Variants in PALLD observed in about 807,000 individuals in gnomAD.
PALLD encodes the protein palladin.
In PALLD, 61 loss-of-function variants were observed where a neutral mutation model predicts 123.5. The ratio of observed to expected loss-of-function variants is 0.49; its 90% confidence interval spans 0.40 to 0.61. The LOEUF (loss-of-function observed/expected upper bound fraction) is 0.61, where lower values mean the gene tolerates loss of function less well. PALLD is among the 20% of genes least tolerant of loss of function. PALLD has a pLI of 0.00. For missense variants in PALLD, 1,273 were observed against 1,377.0 expected (o/e 0.92, Z 1.20); for synonymous variants, 465 against 496.4 (o/e 0.94, Z 0.84).
intron 10 of PALLD, among the ~76,000 whole-genome samples, chr4:168,810,334 A>G (rs1031542432): frequency 3.9e-5 from 6 of 152,212 alleles, no homozygotes; most frequent in African/African-American, 1.4e-4. Context: ...TAAGGAGCCC[A>G]TTGACAAGAG....
chr4:168,511,571 A>G lies in PALLD; in HGVS notation c.67A>G (p.Asn23Asp), dbSNP rs1441118500. ...SLSDMQEESK[N>D]TDFFPGLSAF... Reference sequence around the variant, plus strand: ...CTCAGACATGCAGGAAGAAAGCAAGAATACTGACTTCTTCCCGGGCCTTTC... The same window carrying G: ...CTCAGACATGCAGGAAGAAAGCAAGGATACTGACTTCTTCCCGGGCCTTTC... Residue 23 changes from asparagine (N) to aspartate (D), a missense_variant, in exon 2 of 22, where the codon AAT becomes GAT. Physicochemically the swap from Asn to Asp is conservative, Grantham distance 23. Transcript: ENST00000505667. The G allele has an allele frequency of 9.3e-6, 15 of 1,613,970 alleles. No individual in the cohort carries two copies. Among genetic ancestry groups the G allele is most frequent in the Non-Finnish European group, 1.2e-5 (14 of 1,179,976 alleles).
At position 168,565,943 on chromosome 4, in the gene PALLD, T is replaced by A. The variant is rs923443895; in HGVS notation, c.908+53531T>A. Among the ~76,000 whole-genome samples, 27 of 152,166 alleles carry A rather than the reference T, an allele frequency of 1.8e-4. 1 individual carries two copies. Among genetic ancestry groups the A allele is most frequent in the Admixed American group, 1.5e-3 (23 of 15,264 alleles). ...TGGCTGTTGCAGAATTAGTGTGTTTTGTGTTATATAATGGTGTGGATTTTT... is the reference window on the plus strand; with the variant it reads ...TGGCTGTTGCAGAATTAGTGTGTTTAGTGTTATATAATGGTGTGGATTTTT... On this transcript the variant is annotated intron_variant, in intron 2 of 21. Coordinates refer to ENST00000505667, the MANE Select transcript of PALLD (RefSeq NM_001166108.2).
intron 10 of PALLD, among the ~76,000 whole-genome samples, chr4:168,858,513 G>A (rs545671615): frequency 6.6e-6 from 1 of 152,114 alleles, no homozygotes; most frequent in East Asian, 1.9e-4. Flanking sequence ...ACTTTCCAGA[G>A]TGCTCACGCC....
chr4:168,749,343 C>T (rs1483605646), intron 10 of PALLD, among the ~76,000 whole-genome samples: 3 of 151,518 alleles, frequency 2.0e-5, no homozygotes, highest in South Asian at 4.2e-4. Context: ...TTTATAGAAA[C>T]ACAAGAACGG....
At chr4:168,860,695 G>A (rs537820586) in intron 10 of PALLD, among the ~76,000 whole-genome samples, 7 of 152,160 alleles carry the variant, frequency 4.6e-5, no homozygotes, top group Non-Finnish European at 8.8e-5. Flanking sequence ...GGTGGTGCAC[G>A]TCTGTAATCC....
chr4:168,847,126 C>G (rs1746977095), intron 10 of PALLD, among the ~76,000 whole-genome samples: 1 of 152,074 alleles, frequency 6.6e-6, no homozygotes, highest in South Asian at 2.1e-4. Flanking sequence ...CAGATAAAGT[C>G]CTAAGAACTT....
intron 10 of PALLD, among the ~76,000 whole-genome samples, chr4:168,888,068 A>G (rs72975233): frequency 0.056 from 8,512 of 152,190 alleles, 771 homozygotes; most frequent in African/African-American, 0.19. Flanking sequence ...ACAACCCCAG[A>G]TAAAGGAGTA....
intron 2 of PALLD, among the ~76,000 whole-genome samples, chr4:168,580,762 G>A (rs577585540): frequency 4.1e-4 from 63 of 152,104 alleles, no homozygotes; most frequent in African/African-American, 1.5e-3. Flanking sequence ...AGAAAATGTG[G>A]CACATATACA....
At chr4:168,724,689 C>A (rs1298370779) in intron 10 of PALLD, among the ~76,000 whole-genome samples, 1 of 140,994 alleles carries the variant, frequency 7.1e-6, no homozygotes, top group Non-Finnish European at 1.6e-5. Flanking sequence ...ACACACACAT[C>A]TTTGCTTCAT....
intron 10 of PALLD, among the ~76,000 whole-genome samples, chr4:168,753,155 G>A (rs911777242): frequency 3.3e-5 from 5 of 152,116 alleles, no homozygotes; most frequent in African/African-American, 9.7e-5. Context: ...CTCACAAGCA[G>A]CAAATGCTAG....
intron 10 of PALLD, among the ~76,000 whole-genome samples, chr4:168,760,303 T>C (rs1270413365): frequency 2.1e-5 from 3 of 145,664 alleles, no homozygotes; most frequent in African/African-American, 2.5e-5. Context: ...TCCTCCCTAG[T>C]TCCCGGCTCT....
chr4:168,794,538 A>ACACACACC (rs765026221), intron 10 of PALLD, among the ~76,000 whole-genome samples: 1 of 146,292 alleles, frequency 6.8e-6, no homozygotes, highest in African/African-American at 2.6e-5. Flanking sequence ...ACACACACAC[A>ACACACACC]CCCCTCTGGC....
chr4:168,789,606 G>T (rs1737213856), intron 10 of PALLD, among the ~76,000 whole-genome samples: 1 of 151,734 alleles, frequency 6.6e-6, no homozygotes, highest in Non-Finnish European at 1.5e-5. Flanking sequence ...TTGGGAGGCT[G>T]AGGCAGGAGA....
chr4:168,719,252 CT>C (rs869040811), intron 10 of PALLD, among the ~76,000 whole-genome samples: 171 of 85,714 alleles, frequency 2.0e-3, no homozygotes, highest in East Asian at 4.8e-3. Context: ...AAGTAATCTT[CT>C]TTTTTTTTTT....
At position 168,872,724 on chromosome 4, in the gene PALLD, C is replaced by A. The variant is rs180811220; in HGVS notation, c.1965-18198C>A. Reference sequence around the variant, plus strand: ...ATTCTTAAGATTGGGATTTATATACCTTTTCCTAAGGGGCAATCATAAGTT... The same window carrying A: ...ATTCTTAAGATTGGGATTTATATACATTTTCCTAAGGGGCAATCATAAGTT... On this transcript the variant is annotated intron_variant, in intron 10 of 21. Coordinates refer to ENST00000505667, the MANE Select transcript of PALLD (RefSeq NM_001166108.2). Among the ~76,000 whole-genome samples, 3 of 150,618 alleles carry A rather than the reference C, an allele frequency of 2.0e-5. No homozygotes were observed. In the Admixed American group the frequency reaches 2.0e-4, roughly 10 times the overall value.
chr4:168,658,478 G>T (rs550142067), intron 2 of PALLD, among the ~76,000 whole-genome samples: 3 of 151,734 alleles, frequency 2.0e-5, no homozygotes, highest in African/African-American at 7.2e-5. Context: ...GTAGAGACAG[G>T]GTCTTGTCAT....
chr4:168,668,353 G>C lies in PALLD; in HGVS notation c.1072G>C (p.Glu358Gln). The C allele has an allele frequency of 6.2e-7, 1 of 1,607,334 alleles. No homozygotes were observed. ...NPSGSDTTSA[E>Q]VFIEGASSTD... is the part of the protein sequence containing the mutation. Reference sequence around the variant, plus strand: ...CAGCGGCTCAGACACAACATCTGCTGAGGTGTTCATTGAAGGTAAGGAGGG... The same window carrying C: ...CAGCGGCTCAGACACAACATCTGCTCAGGTGTTCATTGAAGGTAAGGAGGG... Residue 358 changes from glutamate (E) to glutamine (Q), a missense_variant, in exon 3 of 22, where the codon GAG becomes CAG. By Grantham distance (29) the Glu-to-Gln change is conservative. Coordinates refer to ENST00000505667, the MANE Select transcript of PALLD (RefSeq NM_001166108.2).
chr4:168,625,502 G>GATAGATATATATAT lies in PALLD; in HGVS notation c.909-42685_909-42684insGATATATATATATA. On this transcript the variant is annotated intron_variant, in intron 2 of 21. Transcript: ENST00000505667. ...TCCAATAAGGGATTAATATCCAGGA[G>GATAGATATATATAT]ATATATATATATATATCCTATAAGG... Among the ~76,000 whole-genome samples, 8 of 114,426 alleles carry GATAGATATATATAT rather than the reference G, an allele frequency of 7.0e-5. 1 individual carries two copies. The South Asian group carries it at 8.0e-4, about 11-fold the overall frequency. 75.1% of individuals were successfully genotyped at this position (114,426 alleles called of 152,430 possible). A position where few individuals can be genotyped will look rare whatever the true frequency, so the allele number is the denominator to read the frequency against.
chr4:168,699,260 G>T (rs1783448462), intron 8 of PALLD, among the ~76,000 whole-genome samples: 1 of 152,086 alleles, frequency 6.6e-6, no homozygotes. Flanking sequence ...TGTATTTTTA[G>T]TAGAGATGGG....
Sources: allele counts gnomAD v4.1 joint callset (sites outside exome capture counted in the v4.1 genomes callset), GRCh38; gene constraint gnomAD v4.1.1; transcripts MANE v1.5; gene names NCBI Gene and HGNC (gene_info 2026-07-23, HGNC 2026-07-21).